Variants in TSHZ3 observed in about 807,000 individuals in gnomAD.
TSHZ3 encodes the protein teashirt zinc finger homeobox 3, also known as teashirt homolog 3.
A neutral mutation model predicts 64.5 loss-of-function variants in TSHZ3; 10 were observed. That is an observed-to-expected ratio of 0.16 (90% CI 0.10 to 0.26). TSHZ3 has a LOEUF of 0.26. Among genes scored for constraint, TSHZ3 ranks in the 10% least tolerant of loss-of-function variants. The pLI is 1.00. For missense variants in TSHZ3, 1,242 were observed against 1,421.7 expected, an observed-to-expected ratio of 0.87 and a Z score of 2.03; for synonymous variants, 608 against 593.1, an observed-to-expected ratio of 1.03 and a Z score of -0.36.
chr19:31,150,073 G>C (rs952403158), exon 7 of TSHZ3, among the ~76,000 whole-genome samples: 1 of 152,182 alleles, frequency 6.6e-6, no homozygotes, highest in East Asian at 1.9e-4. Context: ...CGCCGAGCAC[G>C]GTGGGAGGAC....
intron 3 of TSHZ3, among the ~76,000 whole-genome samples, chr19:31,235,163 T>C (rs1422928586): frequency 6.6e-6 from 1 of 152,238 alleles, no homozygotes; most frequent in East Asian, 1.9e-4. Context: ...TAACATACCC[T>C]TCACCTCGCA....
intron 1 of TSHZ3, among the ~76,000 whole-genome samples, chr19:31,341,631 AC>A: frequency 8.6e-5 from 1 of 11,670 alleles, no homozygotes; most frequent in South Asian, 2.3e-3. Flanking sequence ...TCTCTCTCTG[AC>A]ACACACACAC....
chr19:31,276,909 C>T lies in TSHZ3; in HGVS notation c.2884G>A (p.Gly962Arg), dbSNP rs765570714. 1 of 1,614,216 alleles carries T rather than the reference C, an allele frequency of 6.2e-7. No homozygotes were observed. Among genetic ancestry groups the T allele is most frequent in the Admixed American group, 1.7e-5 (1 of 60,028 alleles). The change falls in exon 2 of 2, where the codon GGA (glycine) becomes AGA (arginine). Residue 962 changes from glycine to arginine, a missense_variant. Physicochemically the swap from Gly to Arg is moderately radical, Grantham distance 125 (BLOSUM62 -2). This residue lies in a region of TSHZ3 where 11 missense variants were observed against 31.9 expected (regional missense o/e 0.34). Coordinates refer to ENST00000240587, the MANE Select transcript of TSHZ3 (RefSeq NM_020856.4). The part of the protein sequence containing the change: ...NVKYQLRRTG[G>R]TKFLKNLDTG... Reference sequence around the variant, plus strand: ...TCCAAGTTTTTGAGGAACTTTGTTCCACCTGTCCTTCGAAGCTGGTATTTC... The same window carrying T: ...TCCAAGTTTTTGAGGAACTTTGTTCTACCTGTCCTTCGAAGCTGGTATTTC...
intron 1 of TSHZ3, among the ~76,000 whole-genome samples, chr19:31,318,266 G>A (rs1916662138): frequency 6.6e-6 from 1 of 152,142 alleles, no homozygotes. Context: ...TCTGATAGGA[G>A]CCTCATTGTA....
intron 4 of TSHZ3, among the ~76,000 whole-genome samples, chr19:31,217,533 A>ACTTC (rs1975349973): frequency 6.6e-6 from 1 of 152,198 alleles, no homozygotes; most frequent in African/African-American, 2.4e-5. Flanking sequence ...AAAACTGAGC[A>ACTTC]GAAGGTACAG....
At chr19:31,210,989 T>C (rs1185488218) in intron 4 of TSHZ3, among the ~76,000 whole-genome samples, 1 of 152,202 alleles carries the variant, frequency 6.6e-6, no homozygotes, top group Non-Finnish European at 1.5e-5. Context: ...AGGTGGAACA[T>C]AAAAATCACA....
chr19:31,157,901 T>G (rs769985735), intron 5 of TSHZ3, among the ~76,000 whole-genome samples: 18 of 152,212 alleles, frequency 1.2e-4, no homozygotes, highest in Non-Finnish European at 2.5e-4. Context: ...CATAGGCTGC[T>G]TCTAAGACCG....
intron 3 of TSHZ3, among the ~76,000 whole-genome samples, chr19:31,230,856 C>A (rs1030330358): frequency 1.3e-5 from 2 of 151,686 alleles, no homozygotes; most frequent in Non-Finnish European, 2.9e-5. Flanking sequence ...CCTGCCACCA[C>A]GCGCGGCTAA....
intron 5 of TSHZ3, among the ~76,000 whole-genome samples, chr19:31,159,740 T>C (rs1974349648): frequency 6.6e-6 from 1 of 152,116 alleles, no homozygotes; most frequent in Non-Finnish European, 1.5e-5. Context: ...TCACCCAGGC[T>C]GGAGTGCAAC....
chr19:31,195,458 G>T (rs1974973434), intron 5 of TSHZ3: 1 of 152,048 alleles, frequency 6.6e-6, no homozygotes, highest in South Asian at 2.1e-4. Flanking sequence ...AAAGTGTTAA[G>T]AGAAAAAGAA....
At chr19:31,254,787 G>A (rs1975887128) in intron 1 of TSHZ3, among the ~76,000 whole-genome samples, 1 of 152,162 alleles carries the variant, frequency 6.6e-6, no homozygotes, top group African/African-American at 2.4e-5. Context: ...AAGGACAGCG[G>A]GAAGTGGCCT....
intron 5 of TSHZ3, among the ~76,000 whole-genome samples, chr19:31,187,416 G>A (rs973161225): frequency 6.6e-6 from 1 of 151,310 alleles, no homozygotes; most frequent in Admixed American, 6.6e-5. Context: ...TTTTTAATAA[G>A]CAGAAGCTTT....
rs1407143337 is a variant in TSHZ3, at chr19:31,349,393, G to GCGCCGCGCTC, written c.-184_-175dup. On this transcript the variant is annotated 5_prime_UTR_variant, in exon 1 of 2. Coordinates refer to ENST00000240587, the MANE Select transcript of TSHZ3 (RefSeq NM_020856.4). ...CGCCCAGGCTCTCCGCGTCCCCCCCGCGCCGCGCTCCGCCGCGAACCCCGA... is the reference window on the plus strand; with the variant it reads ...CGCCCAGGCTCTCCGCGTCCCCCCCGCGCCGCGCTCCGCCGCGCTCCGCCGCGAACCCCGA... 8.4e-6 allele frequency: 4 copies of GCGCCGCGCTC among 477,320 alleles called. No homozygotes were observed. The highest frequency in any genetic ancestry group is 1.3e-5 in the Non-Finnish European group (4 of 297,364). 29.6% of individuals were successfully genotyped at this position (477,320 alleles called of 1,614,324 possible). A position where few individuals can be genotyped will look rare whatever the true frequency, so the allele number is the denominator to read the frequency against.
At chr19:31,196,413 A>T (rs894624284) in intron 5 of TSHZ3, among the ~76,000 whole-genome samples, 3 of 152,046 alleles carry the variant, frequency 2.0e-5, no homozygotes, top group African/African-American at 4.8e-5. Context: ...TAACAAGAAC[A>T]AAGGGAAAGA....
chr19:31,157,216 T>G lies in TSHZ3; in HGVS notation n.810-799A>C, dbSNP rs1437882638. ...GTAATACAAGAAAATGATGGCAAGC[T>G]ATCTACTGTCACTAGAACAGTAGAT... On this transcript the variant is annotated intron_variant and non_coding_transcript_variant, in intron 5 of 6. Transcript: ENST00000651361. Among the ~76,000 whole-genome samples, 3 of 152,218 alleles carry G rather than the reference T, an allele frequency of 2.0e-5. No homozygotes were observed. The East Asian group carries it at 5.8e-4, about 29-fold the overall frequency.
intron 4 of TSHZ3, among the ~76,000 whole-genome samples, chr19:31,213,120 C>T (rs71350862): frequency 2.6e-5 from 4 of 151,762 alleles, no homozygotes; most frequent in South Asian, 4.2e-4. Flanking sequence ...CTTTGGGAGG[C>T]GGAGGCGGGT....
At chr19:31,338,414 G>A (rs545113699) in intron 1 of TSHZ3, among the ~76,000 whole-genome samples, 2 of 152,300 alleles carry the variant, frequency 1.3e-5, no homozygotes, top group African/African-American at 4.8e-5. Context: ...CTGGGAGCCC[G>A]GGCAGGGAGC....
chr19:31,241,916 G>A (rs1975696061), intron 3 of TSHZ3, among the ~76,000 whole-genome samples: 1 of 152,192 alleles, frequency 6.6e-6, no homozygotes, highest in Admixed American at 6.5e-5. Flanking sequence ...CCGTAAACCT[G>A]TGAGGTTCAC....
chr19:31,261,674 T>C (rs144425617), intron 1 of TSHZ3, among the ~76,000 whole-genome samples: 45 of 152,320 alleles, frequency 3.0e-4, no homozygotes, highest in Non-Finnish European at 5.6e-4. Flanking sequence ...AAATTCATCG[T>C]TGACTGCAGC....
Sources: allele counts gnomAD v4.1 joint callset (sites outside exome capture counted in the v4.1 genomes callset), GRCh38; gene constraint gnomAD v4.1.1; regional missense constraint gnomAD v4.1.1; transcripts MANE v1.5; gene names NCBI Gene and HGNC (gene_info 2026-07-23, HGNC 2026-07-21).